The following PPP1R12B variants were observed in gnomAD, a reference collection of about 807,000 sequenced individuals.
PPP1R12B encodes the protein myosin phosphatase target subunit 2.
In PPP1R12B, 76 loss-of-function variants were observed where a neutral mutation model predicts 126.1. The observed-to-expected ratio is 0.60, with a 90% CI of 0.50 to 0.73. PPP1R12B has a LOEUF of 0.73. Among genes scored for constraint, PPP1R12B ranks in the 30% least tolerant of loss-of-function variants. PPP1R12B has a pLI of 0.00. For synonymous variants in PPP1R12B, 356 were observed against 434.7 expected, an observed-to-expected ratio of 0.82 and a Z score of 2.25; for missense variants, 1,052 against 1,205.1, an observed-to-expected ratio of 0.87 and a Z score of 1.88.
At chr1:202,436,173 G>A (rs749751618) in intron 9 of PPP1R12B, among the ~76,000 whole-genome samples, 4 of 152,022 alleles carry the variant, frequency 2.6e-5, no homozygotes, top group Non-Finnish European at 4.4e-5. Context: ...GGCCGAGGTG[G>A]GAGGATCACT....
At chr1:202,488,075 C>G (rs2148836788) in intron 13 of PPP1R12B, among the ~76,000 whole-genome samples, 1 of 152,234 alleles carries the variant, frequency 6.6e-6, no homozygotes, top group Middle Eastern at 3.4e-3. Context: ...ACAGTTATAA[C>G]AAAATGCCAG....
At chr1:202,384,938 A>G (rs1662893210) in intron 1 of PPP1R12B, among the ~76,000 whole-genome samples, 1 of 152,220 alleles carries the variant, frequency 6.6e-6, no homozygotes, top group Non-Finnish European at 1.5e-5. Flanking sequence ...TCCACTTACA[A>G]TTGCTGTTGT....
intron 19 of PPP1R12B, chr1:202,562,543 C>A: frequency 1.5e-6 from 1 of 658,918 alleles, no homozygotes. Flanking sequence ...ACTAATTTTT[C>A]AATAAGCTTC....
intron 18 of PPP1R12B, among the ~76,000 whole-genome samples, chr1:202,503,653 C>T (rs370168324): frequency 2.0e-5 from 3 of 152,198 alleles, no homozygotes; most frequent in African/African-American, 7.2e-5. Flanking sequence ...GGGGAAGAAT[C>T]AGCAAAGGAA....
chr1:202,551,527 A>T (rs79741035), intron 18 of PPP1R12B, among the ~76,000 whole-genome samples: 8 of 150,132 alleles, frequency 5.3e-5, no homozygotes, highest in Non-Finnish European at 1.2e-4. Flanking sequence ...AAATTAAACC[A>T]TTTTTTTTTT....
chr1:202,569,326 G>A, intron 23 of PPP1R12B, 129 bp downstream of exon 23: 3 of 929,746 alleles, frequency 3.2e-6, no homozygotes, highest in Non-Finnish European at 3.3e-6. Context: ...GAAATGATGT[G>A]TAAAAAAGTG....
At chr1:202,462,583 C>T (rs1206272241) in intron 13 of PPP1R12B, among the ~76,000 whole-genome samples, 3 of 152,150 alleles carry the variant, frequency 2.0e-5, no homozygotes, top group Non-Finnish European at 4.4e-5. Context: ...ACTAAAAGCC[C>T]TTATCAGCCA....
chr1:202,520,823 A>C (rs1279880282), intron 18 of PPP1R12B, among the ~76,000 whole-genome samples: 2 of 152,248 alleles, frequency 1.3e-5, no homozygotes, highest in Non-Finnish European at 2.9e-5. Flanking sequence ...AAAGGTTTTA[A>C]AAAATACATA....
intron 8 of PPP1R12B, among the ~76,000 whole-genome samples, chr1:202,433,187 G>C (rs768805343): frequency 2.6e-5 from 4 of 152,116 alleles, no homozygotes; most frequent in Admixed American, 6.5e-5. Context: ...TTTGATATTT[G>C]ATTATTTATT....
rs968330420 is a variant in PPP1R12B at position 202,580,869 on chromosome 1, C to T, written c.*309C>T. ...CTGTGGACCCCTCAACTTCCTGCTGCTCAGCTACTTTGTCCACATTGGATT... is the reference window on the plus strand; with the variant it reads ...CTGTGGACCCCTCAACTTCCTGCTGTTCAGCTACTTTGTCCACATTGGATT... On this transcript the variant is annotated 3_prime_UTR_variant, in exon 24 of 24. Transcript: ENST00000608999. The T allele has an allele frequency of 3.0e-5, 9 of 303,302 alleles. No individual in the cohort carries two copies. Among genetic ancestry groups the T allele is most frequent in the African/African-American group, 1.5e-4 (7 of 47,344 alleles). The allele number at this position is 303,302 out of a possible 1,614,324, so 18.8% of individuals were successfully genotyped here.
chr1:202,562,598 G>GT (rs1687636397), intron 19 of PPP1R12B, 180 bp from the exon 20 acceptor site: 1 of 793,868 alleles, frequency 1.3e-6, no homozygotes. Context: ...AGCTCGTGCA[G>GT]TTTAGCCCTG....
chr1:202,569,533 G>A (rs74136793), intron 23 of PPP1R12B, among the ~76,000 whole-genome samples: 1,706 of 152,302 alleles, frequency 0.011, 36 homozygotes, highest in African/African-American at 0.04. Flanking sequence ...GAGAAGGCTA[G>A]AACAAGTTTT....
At chr1:202,548,305 A>C (rs142534292) in intron 18 of PPP1R12B, among the ~76,000 whole-genome samples, 1 of 152,368 alleles carries the variant, frequency 6.6e-6, no homozygotes, top group Admixed American at 6.5e-5. Flanking sequence ...AAAATGTAAC[A>C]GAATTACAGG....
At chr1:202,478,767 G>A (rs1676995561) in intron 13 of PPP1R12B, among the ~76,000 whole-genome samples, 1 of 152,098 alleles carries the variant, frequency 6.6e-6, no homozygotes, top group Non-Finnish European at 1.5e-5. Flanking sequence ...GGGAAAAAAA[G>A]CAGTGTGATT....
In PPP1R12B at chr1:202,488,638, T is replaced by G; in HGVS notation, c.1941+15T>G. On this transcript the variant is annotated intron_variant, in intron 14 of 23. Transcript: ENST00000608999. ...GGTCTACTCAAGTGAGTGTGGCTTT[T>G]TTTAAAATGTCATTTTGTGTATCTA... 1 of 1,579,708 alleles carries G rather than the reference T, an allele frequency of 6.3e-7. No individual in the cohort carries two copies. The highest frequency in any genetic ancestry group is 1.1e-5 in the South Asian group (1 of 88,656).
At chr1:202,455,431 G>C (rs1415589036) in intron 13 of PPP1R12B, among the ~76,000 whole-genome samples, 1 of 151,980 alleles carries the variant, frequency 6.6e-6, no homozygotes. Context: ...CTATAGATTT[G>C]CTTATTTTGG....
At position 202,582,066 on chromosome 1, in the gene PPP1R12B, A is replaced by C. The variant is rs1414287460; in HGVS notation, c.*1506A>C. On this transcript the variant is annotated 3_prime_UTR_variant, in exon 24 of 24. Transcript: ENST00000608999. ...TCTAATAACGAGAGAGTTTTTCCTC[A>C]TATCAGCTGAAGTCTGCCTGTGGAT... 1.3e-5 allele frequency: 2 copies of C among 152,204 alleles called. No homozygotes were observed. Among genetic ancestry groups the C allele is most frequent in the Non-Finnish European group, 2.9e-5 (2 of 68,040 alleles). The allele number at this position is 152,204 out of a possible 1,614,324, so 9.4% of individuals were successfully genotyped here.
At chr1:202,430,852 G>C in intron 7 of PPP1R12B, 42 bp downstream of exon 7, 1 of 1,580,826 alleles carries the variant, frequency 6.3e-7, no homozygotes, top group Non-Finnish European at 8.6e-7. Context: ...GCTTTGCTCT[G>C]TGTCAGTGAC....
intron 13 of PPP1R12B, among the ~76,000 whole-genome samples, chr1:202,486,090 C>T (rs1678081126): frequency 6.6e-6 from 1 of 152,152 alleles, no homozygotes; most frequent in East Asian, 1.9e-4. Flanking sequence ...CCATGTTGCC[C>T]AGGCTAGTCT....
Sources: allele counts gnomAD v4.1 joint callset (sites outside exome capture counted in the v4.1 genomes callset), GRCh38; gene constraint gnomAD v4.1.1; transcripts MANE v1.5; gene names NCBI Gene and HGNC (gene_info 2026-07-23, HGNC 2026-07-21).